The following FARS2 variants were observed in gnomAD, a reference collection of about 807,000 sequenced individuals.
The protein encoded by FARS2 is phenylalanine--tRNA ligase, mitochondrial.
FARS2 carries 40 observed loss-of-function variants against 46.4 expected under a neutral mutation model. The observed-to-expected ratio is 0.86, with a 90% CI of 0.67 to 1.12. The LOEUF is 1.12. Ranked by LOEUF, FARS2 falls within the 50% of genes most tolerant of loss-of-function variation. The pLI, the probability that FARS2 is intolerant of heterozygous loss-of-function variation, is 0.00. For synonymous variants in FARS2, 234 were observed against 214.9 expected, an observed-to-expected ratio of 1.09 and a Z score of -0.78; for missense variants, 513 against 567.9, an observed-to-expected ratio of 0.90 and a Z score of 0.98.
chr6:5,717,158 GTGGGGGTAGATTAGAGTCCTGCCT>G (rs1759546999), intron 6 of FARS2, among the ~76,000 whole-genome samples: 1 of 152,204 alleles, frequency 6.6e-6, no homozygotes, highest in East Asian at 1.9e-4. Context: ...TAAGAGAAAT[GTGGGGGTAGATTAGAGTCCTGCCT>G]TGGGGAGAAA....
intron 2 of FARS2, among the ~76,000 whole-genome samples, chr6:5,381,362 T>C (rs113334549): frequency 8.2e-6 from 1 of 122,130 alleles, no homozygotes; most frequent in Admixed American, 9.1e-5. Flanking sequence ...ATTTGCATAC[T>C]CCCCAGAAAC....
intron 2 of FARS2, among the ~76,000 whole-genome samples, chr6:5,380,737 C>T (rs1209268355): frequency 2.0e-5 from 3 of 152,152 alleles, no homozygotes; most frequent in Non-Finnish European, 4.4e-5. Flanking sequence ...TCATTGTCTT[C>T]GCTCCGAGGC....
chr6:5,385,525 G>A (rs2326629), intron 2 of FARS2, among the ~76,000 whole-genome samples: 2 of 151,452 alleles, frequency 1.3e-5, no homozygotes, highest in Non-Finnish European at 2.9e-5. Context: ...AGGTTCAAGC[G>A]ATTCTTCTGC....
At chr6:5,658,386 TCTTTCCAAGA>T (rs1316721872) in intron 6 of FARS2, among the ~76,000 whole-genome samples, 1 of 152,210 alleles carries the variant, frequency 6.6e-6, no homozygotes, top group Non-Finnish European at 1.5e-5. Context: ...TAACACATAA[TCTTTCCAAGA>T]CTTTTTATCT....
intron 2 of FARS2, among the ~76,000 whole-genome samples, chr6:5,401,652 A>G (rs1303636845): frequency 7.8e-6 from 1 of 128,636 alleles, no homozygotes; most frequent in Non-Finnish European, 1.6e-5. Flanking sequence ...GAAAGAGCTC[A>G]TTAATGTGAC....
At chr6:5,523,733 CTG>C (rs1051218690) in intron 4 of FARS2, among the ~76,000 whole-genome samples, 6 of 152,162 alleles carry the variant, frequency 3.9e-5, no homozygotes, top group African/African-American at 1.4e-4. Context: ...CTGTGTGTGC[CTG>C]TGTGTGTGTT....
chr6:5,692,475 T>C (rs1757811131), intron 6 of FARS2, among the ~76,000 whole-genome samples: 1 of 152,170 alleles, frequency 6.6e-6, no homozygotes, highest in African/African-American at 2.4e-5. Flanking sequence ...CATCAAAACA[T>C]TGGCTAAGTA....
upstream of FARS2, chr6:5,260,902 C>A (rs1407779878): frequency 6.5e-6 from 9 of 1,386,280 alleles, no homozygotes; most frequent in Non-Finnish European, 5.6e-6. Flanking sequence ...GGATCGCGGA[C>A]GGCGCCAGGC....
intron 6 of FARS2, among the ~76,000 whole-genome samples, chr6:5,673,340 C>T (rs1778578684): frequency 6.6e-6 from 1 of 152,216 alleles, no homozygotes. Flanking sequence ...CCTGCTTCCC[C>T]ACTTCTGCCA....
chr6:5,264,477 GTTTTTC>G (rs1765406297), intron 1 of FARS2, among the ~76,000 whole-genome samples: 1 of 150,062 alleles, frequency 6.7e-6, no homozygotes. Flanking sequence ...ATAGGTTATG[GTTTTTC>G]TTTTCTTTTT....
At chr6:5,565,158 T>C (rs1197583777) in intron 5 of FARS2, among the ~76,000 whole-genome samples, 1 of 152,228 alleles carries the variant, frequency 6.6e-6, no homozygotes, top group African/African-American at 2.4e-5. Flanking sequence ...CTCCAAATTT[T>C]GTTTACAGGA....
chr6:5,662,121 AT>A (rs1777878196), intron 6 of FARS2, among the ~76,000 whole-genome samples: 1 of 152,212 alleles, frequency 6.6e-6, no homozygotes, highest in African/African-American at 2.4e-5. Context: ...GTCCACTGTA[AT>A]TTTTATGGAC....
chr6:5,269,321 C>T lies in FARS2; in HGVS notation c.-22+7661C>T, dbSNP rs1046995238. ...CTTGGACACAGGATGGGGAACATCG[C>T]ACACCGGGGCCTGTGGTGGGGTTGG... On this transcript the variant is annotated intron_variant, in intron 1 of 6. Transcript: ENST00000274680. Among the ~76,000 whole-genome samples, 12 of 147,256 alleles carry T rather than the reference C, an allele frequency of 8.1e-5. No homozygotes were observed. In the South Asian group the frequency reaches 2.6e-3, roughly 31 times the overall value.
chr6:5,337,187 T>C (rs904507551), intron 1 of FARS2, among the ~76,000 whole-genome samples: 4 of 144,438 alleles, frequency 2.8e-5, no homozygotes, highest in African/African-American at 7.4e-5. Context: ...ATATGTAATA[T>C]GTATATATAT....
At chr6:5,421,020 T>C (rs996625168) in intron 3 of FARS2, among the ~76,000 whole-genome samples, 8 of 152,090 alleles carry the variant, frequency 5.3e-5, no homozygotes, top group Admixed American at 1.3e-4. Context: ...TACCCAAAAT[T>C]TCCCTTCTGC....
intron 6 of FARS2, among the ~76,000 whole-genome samples, chr6:5,641,149 G>T (rs1776795893): frequency 6.6e-6 from 1 of 152,034 alleles, no homozygotes; most frequent in Admixed American, 6.5e-5. Context: ...CACTTCCCTG[G>T]GTGTGTTTCT....
intron 3 of FARS2, among the ~76,000 whole-genome samples, chr6:5,424,645 G>A (rs1043009180): frequency 2.6e-5 from 4 of 152,182 alleles, no homozygotes; most frequent in African/African-American, 9.7e-5. Flanking sequence ...AGAGTTTACC[G>A]TAAGGGTCCA....
intron 2 of FARS2, among the ~76,000 whole-genome samples, chr6:5,401,827 C>T (rs1189851295): frequency 6.6e-6 from 1 of 152,224 alleles, no homozygotes; most frequent in Admixed American, 6.5e-5. Context: ...GAATCTGATG[C>T]CACTCTGATT....
intron 5 of FARS2, among the ~76,000 whole-genome samples, chr6:5,561,328 T>G (rs1400370903): frequency 1.3e-5 from 2 of 152,088 alleles, no homozygotes; most frequent in Non-Finnish European, 2.9e-5. Flanking sequence ...CTTAATGAAG[T>G]ATATTGTTTG....
Sources: allele counts gnomAD v4.1 joint callset (sites outside exome capture counted in the v4.1 genomes callset), GRCh38; gene constraint gnomAD v4.1.1; transcripts MANE v1.5; gene names NCBI Gene and HGNC (gene_info 2026-07-23, HGNC 2026-07-21).